The following GPR19 variants were observed in gnomAD, a reference collection of about 807,000 sequenced individuals.
GPR19 encodes the protein G protein-coupled receptor 19.
GPR19 carries 14 observed loss-of-function variants against 28.5 expected under a neutral mutation model. The observed-to-expected ratio is 0.49, with a 90% CI of 0.32 to 0.77. The LOEUF is 0.77. Among genes scored for constraint, GPR19 ranks in the 30% least tolerant of loss-of-function variants. The probability of loss-of-function intolerance (pLI) is 0.03; values close to 1 mark genes in which losing one functional copy is unlikely to be tolerated. For synonymous variants in GPR19, 173 were observed against 184.1 expected (o/e 0.94, Z 0.49); for missense variants, 409 against 504.1 (o/e 0.81, Z 1.81).
At chr12:12,665,854 CAA>C (rs1041894177) in intron 3 of GPR19, among the ~76,000 whole-genome samples, 6 of 113,838 alleles carry the variant, frequency 5.3e-5, no homozygotes, top group African/African-American at 2.0e-4. Flanking sequence ...AAAAAGAAAA[CAA>C]AGATACGTAA....
chr12:12,702,173 G>A, the GPR19 span, among the ~76,000 whole-genome samples: 1 of 151,690 alleles, frequency 6.6e-6, no homozygotes, highest in Non-Finnish European at 1.5e-5. Context: ...CTAGCCTTAT[G>A]GTTTGTACAA....
chr12:12,687,863 T>G (rs1251663491), intron 2 of GPR19, among the ~76,000 whole-genome samples: 3 of 152,138 alleles, frequency 2.0e-5, no homozygotes, highest in East Asian at 3.9e-4. Context: ...AAGGCTGAGG[T>G]GGGAGAATCG....
chr12:12,707,208 C>T, the GPR19 span, among the ~76,000 whole-genome samples: 1 of 152,242 alleles, frequency 6.6e-6, no homozygotes, highest in Admixed American at 6.5e-5. Context: ...GGTCCATGCT[C>T]TCATTCCATT....
At chr12:12,693,618 C>A (rs145989015) in intron 2 of GPR19, among the ~76,000 whole-genome samples, 1 of 152,216 alleles carries the variant, frequency 6.6e-6, no homozygotes, top group Non-Finnish European at 1.5e-5. Context: ...AGTACGTTAA[C>A]CCCATTCTTA....
At chr12:12,663,197 T>C (rs759889199) in intron 3 of GPR19, among the ~76,000 whole-genome samples, 4 of 152,248 alleles carry the variant, frequency 2.6e-5, no homozygotes, top group Non-Finnish European at 4.4e-5. Context: ...TCTGTTGTTA[T>C]TGTTTCATAA....
intron 3 of GPR19, among the ~76,000 whole-genome samples, chr12:12,664,170 A>G (rs1945723991): frequency 6.6e-6 from 1 of 152,000 alleles, no homozygotes; most frequent in African/African-American, 2.4e-5. Context: ...TTGTATTTTT[A>G]GTAGAGACCG....
chr12:12,680,562 A>G (rs1946003124), intron 3 of GPR19, among the ~76,000 whole-genome samples: 1 of 152,176 alleles, frequency 6.6e-6, no homozygotes, highest in Non-Finnish European at 1.5e-5. Context: ...GCTGGAGTGC[A>G]GTGGAGTGAT....
In GPR19 at chr12:12,661,965, C is replaced by T. The variant is rs1237064778; in HGVS notation, c.484G>A (p.Asp162Asn). Residue 162 changes from aspartate (D) to asparagine (N), a missense_variant, in exon 4 of 4, where the codon GAC (aspartate) becomes AAC (asparagine). Asp to Asn is a conservative substitution (Grantham distance 23, BLOSUM62 1). Coordinates refer to ENST00000651487, the MANE Select transcript of GPR19 (RefSeq NM_006143.3). This position sits in a 1 kb window ranked among gnomAD's most constrained non-coding sequence, Gnocchi z 4.2. ...QIYVLLSICI[D>N]RFYTIVYPLS... Reference sequence around the variant, plus strand: ...GGATAGACGATGGTGTAGAACCGGTCTATGCAGATGGAGAGGAGAACGTAG... The same window carrying T: ...GGATAGACGATGGTGTAGAACCGGTTTATGCAGATGGAGAGGAGAACGTAG... 6.2e-7 allele frequency: 1 copy of T among 1,613,358 alleles called. No individual in the cohort carries two copies. The highest frequency in any genetic ancestry group is 8.5e-7 in the Non-Finnish European group (1 of 1,179,788).
chr12:12,662,547 G>C (rs968852848), intron 3 of GPR19, 77 bp from the exon 4 acceptor site: 1 of 1,066,542 alleles, frequency 9.4e-7, no homozygotes, highest in Admixed American at 2.2e-5. Context: ...TCAGGCTAAC[G>C]ATCTTATTTG....
chr12:12,703,391 T>C, the GPR19 span: 2 of 985,300 alleles, frequency 2.0e-6, no homozygotes, highest in South Asian at 9.4e-5. Context: ...TTCGTGTGTG[T>C]AACAGGAATC....
At chr12:12,693,573 A>T (rs1433984548) in intron 2 of GPR19, among the ~76,000 whole-genome samples, 1 of 152,218 alleles carries the variant, frequency 6.6e-6, no homozygotes, top group Admixed American at 6.5e-5. Flanking sequence ...CCTGGCAATT[A>T]TACTAATGGC....
At chr12:12,716,682 C>A in the GPR19 span, 15 of 834,910 alleles carry the variant, frequency 1.8e-5, no homozygotes, top group Non-Finnish European at 2.2e-5. Context: ...ATGATAAGTG[C>A]CGCGTCTACT....
At chr12:12,663,237 C>G (rs958431633) in intron 3 of GPR19, among the ~76,000 whole-genome samples, 3 of 151,976 alleles carry the variant, frequency 2.0e-5, no homozygotes, top group African/African-American at 7.3e-5. Context: ...ACAAGATGTC[C>G]TCTAAGAAAT....
chr12:12,669,050 G>A (rs1337311145), intron 3 of GPR19: 1 of 152,210 alleles, frequency 6.6e-6, no homozygotes, highest in Non-Finnish European at 1.5e-5. Flanking sequence ...GGCTGTACAT[G>A]GGTAAGTCTT....
chr12:12,710,684 A>G, the GPR19 span, among the ~76,000 whole-genome samples: 1 of 152,150 alleles, frequency 6.6e-6, no homozygotes, highest in African/African-American at 2.4e-5. Context: ...CTACAAGTGC[A>G]CAACACTGTG....
intron 3 of GPR19, among the ~76,000 whole-genome samples, chr12:12,677,554 G>T (rs1945950740): frequency 6.6e-6 from 1 of 152,018 alleles, no homozygotes; most frequent in Non-Finnish European, 1.5e-5. Context: ...TGGGATTACA[G>T]GCATGAGCCA....
chr12:12,700,670 T>A (rs2136343227), upstream of GPR19, among the ~76,000 whole-genome samples: 1 of 152,320 alleles, frequency 6.6e-6, no homozygotes, highest in East Asian at 1.9e-4. Flanking sequence ...CTGACACTTG[T>A]ACTCAATATC....
chr12:12,691,775 A>C (rs1212364170), intron 2 of GPR19, among the ~76,000 whole-genome samples: 1 of 152,020 alleles, frequency 6.6e-6, no homozygotes, highest in Non-Finnish European at 1.5e-5. Flanking sequence ...AAACCACCTA[A>C]TTTTCATTTT....
At position 12,661,558 on chromosome 12, in the gene GPR19, T is replaced by G. The variant is rs779043421; in HGVS notation, c.891A>C (p.Leu297=). 13 of 1,613,954 alleles carry G rather than the reference T, an allele frequency of 8.1e-6. No individual in the cohort carries two copies. The highest frequency in any genetic ancestry group is 1.1e-5 in the Non-Finnish European group (13 of 1,179,838). ...LSWLPFHVAQ[L]WHPHEQDYKK... is the part of the protein sequence containing the mutation. ...TATAGTCTTGTTCATGGGGGTGCCA[T>G]AGCTGAGCTACATGAAAAGGCAGCC... Residue 297 remains leucine (L), a synonymous_variant, in exon 4 of 4, where the codon CTA becomes CTC. Coordinates refer to ENST00000651487, the MANE Select transcript of GPR19 (RefSeq NM_006143.3). The surrounding 1 kb of genome is among the most constrained non-coding windows in gnomAD (Gnocchi z 4.2).
Sources: gnomAD v4.1 joint callset for allele counts (sites outside exome capture counted in the v4.1 genomes callset) on GRCh38, gnomAD v4.1.1 for gene constraint, Gnocchi (gnomAD v3.1) non-coding constraint, MANE v1.5 for transcripts, NCBI Gene and HGNC (gene_info 2026-07-23, HGNC 2026-07-21) for gene names.